TMBIM4: variants seen among roughly 807,000 people sequenced by gnomAD.
TMBIM4 encodes the protein protein lifeguard 4.
A neutral mutation model predicts 27.7 loss-of-function variants in TMBIM4; 28 were observed. That is an observed-to-expected ratio of 1.01 (90% CI 0.75 to 1.38). The LOEUF is 1.38. Among genes scored for constraint, TMBIM4 ranks in the 40% most tolerant of loss-of-function variants. TMBIM4 has a pLI of 0.00. For missense variants in TMBIM4, 265 were observed against 277.5 expected (o/e 0.95, Z 0.32); for synonymous variants, 115 against 113.1 (o/e 1.02, Z -0.11).
Position 66,153,386 on chromosome 12 carries a change from T to G in TMBIM4, c.160A>C (p.Thr54Pro). The G allele has an allele frequency of 6.2e-7, 1 of 1,602,924 alleles. No homozygotes were observed. Among genetic ancestry groups the G allele is most frequent in the Non-Finnish European group, 8.5e-7 (1 of 1,176,348 alleles). Reference sequence around the variant, plus strand: ...ACAGACTCAAAGTATAAAAAAACTGTTGAAGTCACTGTAGTTAAGAGAACC... The same window carrying G: ...ACAGACTCAAAGTATAAAAAAACTGGTGAAGTCACTGTAGTTAAGAGAACC... ...LQVLLTTVTS[T>P]VFLYFESVRT... The change falls in exon 2 of 7, where the codon ACA becomes CCA. Residue 54 changes from threonine (T) to proline (P), a missense_variant. Physicochemically the swap from Thr to Pro is conservative, Grantham distance 38. Transcript: ENST00000358230.
intron 5 of TMBIM4, among the ~76,000 whole-genome samples, chr12:66,143,460 T>C (rs1350151236): frequency 6.6e-6 from 1 of 152,174 alleles, no homozygotes. Flanking sequence ...GTGGTGTACA[T>C]ACATCCTTCA....
At chr12:66,160,348 C>G (rs1327079475) in intron 1 of TMBIM4, 2 of 599,368 alleles carry the variant, frequency 3.3e-6, no homozygotes, top group Non-Finnish European at 6.0e-6. Flanking sequence ...ACTCTTTTGA[C>G]TCTATCATTT....
chr12:66,169,022 G>A lies in TMBIM4; in HGVS notation c.97+833C>T, dbSNP rs1031400256. 7 of 292,948 alleles carry A rather than the reference G, an allele frequency of 2.4e-5. No individual in the cohort carries two copies. In the South Asian group the frequency reaches 3.5e-4, roughly 15 times the overall value. The allele number at this position is 292,948 out of a possible 1,614,324, so 18.1% of individuals were successfully genotyped here. Reference sequence around the variant, plus strand: ...ATAAATGCTAGGCACCAAGATTCTTGGTGCATCAGAACTATCTTCATCTTT... The same window carrying A: ...ATAAATGCTAGGCACCAAGATTCTTAGTGCATCAGAACTATCTTCATCTTT... On this transcript the variant is annotated intron_variant, in intron 1 of 6. Coordinates refer to ENST00000358230, the MANE Select transcript of TMBIM4 (RefSeq NM_016056.4).
chr12:66,163,817 A>G (rs1333824011), intron 1 of TMBIM4, among the ~76,000 whole-genome samples: 2 of 152,212 alleles, frequency 1.3e-5, no homozygotes, highest in East Asian at 3.9e-4. Flanking sequence ...AAGAGGAGGG[A>G]ACCCTTCAAA....
Position 66,137,963 on chromosome 12 carries a change from C to T in TMBIM4, c.714G>A (p.Lys238=). ...LLRFLEAVNK[K] ...AGTTGAGCTGAGATACTTTTAATTA[C>T]TTTTTATTAACTGCTTCCAGAAACC... Residue 238 remains lysine, a synonymous_variant, in exon 7 of 7, where the codon AAG becomes AAA. Transcript: ENST00000358230. 1 of 1,610,948 alleles carries T rather than the reference C, an allele frequency of 6.2e-7. No individual in the cohort carries two copies. The highest frequency in any genetic ancestry group is 8.5e-7 in the Non-Finnish European group (1 of 1,178,804).
chr12:66,153,347 G>T lies in TMBIM4; in HGVS notation c.199C>A (p.His67Asn). Reference protein sequence around the residue: ...LYFESVRTFVHESPALILLFA... With the variant: ...LYFESVRTFVNESPALILLFA... ...ACCATCTCATTACCTTACCTCTCAT[G>T]TACAAATGTCCGTACAGACTCAAAG... The change falls in exon 2 of 7, where the codon CAT (histidine) becomes AAT (asparagine). Residue 67 changes from histidine (H) to asparagine (N), a missense_variant. Coordinates refer to ENST00000358230, the MANE Select transcript of TMBIM4 (RefSeq NM_016056.4). 2 of 1,551,410 alleles carry T rather than the reference G, an allele frequency of 1.3e-6. No individual in the cohort carries two copies. The highest frequency in any genetic ancestry group is 1.9e-5 in the Admixed American group (1 of 53,184).
chr12:66,159,647 C>T (rs2052001999), intron 1 of TMBIM4, among the ~76,000 whole-genome samples: 1 of 152,222 alleles, frequency 6.6e-6, no homozygotes. Context: ...TGGCTAGCTC[C>T]TTCTCATACA....
intron 1 of TMBIM4, among the ~76,000 whole-genome samples, chr12:66,167,779 G>A (rs896438910): frequency 1.3e-5 from 2 of 152,190 alleles, no homozygotes; most frequent in Non-Finnish European, 2.9e-5. Context: ...AAGAATTAAA[G>A]CACGGTCTTG....
At chr12:66,144,923 AAG>A (rs2051726900) in intron 5 of TMBIM4, among the ~76,000 whole-genome samples, 1 of 152,172 alleles carries the variant, frequency 6.6e-6, no homozygotes, top group Non-Finnish European at 1.5e-5. Flanking sequence ...AAAAGGATTT[AAG>A]AGAGATGATA....
intron 5 of TMBIM4, chr12:66,139,603 G>A (rs2051634265): frequency 4.4e-6 from 2 of 455,836 alleles, no homozygotes; most frequent in Non-Finnish European, 8.8e-6. Context: ...GAGTTGAGCA[G>A]ACAAGAATTC....
Position 66,153,389 on chromosome 12 carries a change from A to C in TMBIM4, c.157T>G (p.Ser53Ala). The C allele has an allele frequency of 1.2e-6, 2 of 1,602,956 alleles. No individual in the cohort carries two copies. The highest frequency in any genetic ancestry group is 1.7e-6 in the Non-Finnish European group (2 of 1,176,440). ...GACTCAAAGTATAAAAAAACTGTTG[A>C]AGTCACTGTAGTTAAGAGAACCTGC... Reference protein sequence around the residue: ...SLQVLLTTVTSTVFLYFESVR... With the variant: ...SLQVLLTTVTATVFLYFESVR... The change falls in exon 2 of 7, where the codon TCA becomes GCA. Residue 53 changes from serine (S) to alanine (A), a missense_variant. Transcript: ENST00000358230.
chr12:66,138,840 C>T (rs2051620628), intron 5 of TMBIM4, 71 bp from the exon 6 acceptor site: 1 of 1,375,600 alleles, frequency 7.3e-7, no homozygotes, highest in South Asian at 2.0e-5. Context: ...CCATTCAACA[C>T]TTTCTGAAAA....
At chr12:66,158,457 G>A (rs2051982121) in intron 1 of TMBIM4, among the ~76,000 whole-genome samples, 2 of 151,848 alleles carry the variant, frequency 1.3e-5, no homozygotes, top group South Asian at 2.1e-4. Flanking sequence ...TGGCCAACAT[G>A]GTGAAACCCC....
At chr12:66,169,761 G>A in intron 1 of TMBIM4, 94 bp downstream of exon 1, 2 of 1,003,418 alleles carry the variant, frequency 2.0e-6, no homozygotes, top group Non-Finnish European at 2.8e-6. Flanking sequence ...AGTCCCAGGA[G>A]ATGGCCGCTC....
At chr12:66,163,911 C>T (rs2052083478) in intron 1 of TMBIM4, among the ~76,000 whole-genome samples, 1 of 152,192 alleles carries the variant, frequency 6.6e-6, no homozygotes, top group Non-Finnish European at 1.5e-5. Context: ...CTGATGAGTA[C>T]TGATGTGAAA....
intron 1 of TMBIM4, among the ~76,000 whole-genome samples, chr12:66,154,264 T>G (rs984828804): frequency 1.3e-5 from 2 of 152,190 alleles, no homozygotes; most frequent in African/African-American, 4.8e-5. Context: ...ATGTTTCTCC[T>G]TCATGTTCCT....
chr12:66,145,922 A>G lies in TMBIM4; in HGVS notation c.383T>C (p.Phe128Ser), dbSNP rs777129470. Residue 128 changes from phenylalanine to serine, a missense_variant, in exon 5 of 7, where the codon TTC becomes TCC. Physicochemically the swap from Phe to Ser is radical, Grantham distance 155. Transcript: ENST00000358230. ...AAAAAATACTGTAGTAGTCAGTATG[A>G]AAGCTTGCAGAATAATATATACATC... is the stretch of plus-strand genomic sequence containing the variant. ...FYDVYIILQAFILTTTVFFGL... is the reference protein window; with the variant it reads ...FYDVYIILQASILTTTVFFGL... 2.5e-6 allele frequency: 4 copies of G among 1,598,450 alleles called. No individual in the cohort carries two copies. Among genetic ancestry groups the G allele is most frequent in the Non-Finnish European group, 3.4e-6 (4 of 1,167,176 alleles).
chr12:66,144,542 T>G (rs2051720171), intron 5 of TMBIM4, among the ~76,000 whole-genome samples: 1 of 152,146 alleles, frequency 6.6e-6, no homozygotes, highest in East Asian at 1.9e-4. Context: ...TTTGCTGATT[T>G]GTAGTCTAAC....
chr12:66,151,061 T>C (rs2051837145), intron 3 of TMBIM4, among the ~76,000 whole-genome samples: 2 of 152,164 alleles, frequency 1.3e-5, no homozygotes. Flanking sequence ...ATTGACAATC[T>C]TGCAAACAAA....
Sources: gnomAD v4.1 joint callset for allele counts (sites outside exome capture counted in the v4.1 genomes callset) on GRCh38, gnomAD v4.1.1 for gene constraint, MANE v1.5 for transcripts, NCBI Gene and HGNC (gene_info 2026-07-23, HGNC 2026-07-21) for gene names.